The following PCDH15 variants were observed in gnomAD, a reference collection of about 807,000 sequenced individuals.
The protein encoded by PCDH15 is protocadherin-15.
Under a neutral mutation model 178.5 loss-of-function variants are expected in PCDH15, and 129 were observed. The observed-to-expected ratio is 0.72, with a 90% CI of 0.63 to 0.84. The LOEUF (loss-of-function observed/expected upper bound fraction) is 0.84. Among genes scored for constraint, PCDH15 ranks in the 40% least tolerant of loss-of-function variants. The pLI is 0.00. For missense variants in PCDH15, 2,230 were observed against 2,099.9 expected (o/e 1.06, Z -1.21); for synonymous variants, 800 against 732.0 (o/e 1.09, Z -1.50).
intron 2 of PCDH15, among the ~76,000 whole-genome samples, chr10:55,359,902 G>A (rs913665366): frequency 2.6e-5 from 4 of 151,630 alleles, no homozygotes; most frequent in Non-Finnish European, 5.9e-5. Flanking sequence ...AAGACAAATA[G>A]CTCAGGACTT....
intron 1 of PCDH15, among the ~76,000 whole-genome samples, chr10:55,306,336 T>C (rs1019980051): frequency 6.6e-6 from 1 of 152,238 alleles, no homozygotes; most frequent in Non-Finnish European, 1.5e-5. Context: ...TGTTTTACAC[T>C]TGGGCTTTGC....
At chr10:54,465,207 T>A (rs975399209) in intron 3 of PCDH15, among the ~76,000 whole-genome samples, 4 of 152,134 alleles carry the variant, frequency 2.6e-5, no homozygotes, top group African/African-American at 9.6e-5. Context: ...GTAATGATCA[T>A]GTCATAGTAT....
intron 2 of PCDH15, among the ~76,000 whole-genome samples, chr10:55,400,753 C>T (rs1838042734): frequency 6.6e-6 from 1 of 152,032 alleles, no homozygotes; most frequent in Non-Finnish European, 1.5e-5. Context: ...TTGCAGAAGC[C>T]TGTCTTTCAT....
chr10:54,436,189 G>T (rs961555711), intron 3 of PCDH15, among the ~76,000 whole-genome samples: 2 of 151,762 alleles, frequency 1.3e-5, no homozygotes, highest in African/African-American at 4.8e-5. Flanking sequence ...AAGAAGTTCA[G>T]CAATGGAAAA....
At chr10:55,144,666 A>C (rs1838452826) in intron 2 of PCDH15, among the ~76,000 whole-genome samples, 1 of 152,130 alleles carries the variant, frequency 6.6e-6, no homozygotes, top group South Asian at 2.1e-4. Flanking sequence ...ATGATTAAAA[A>C]GTCATTGTTT....
intron 8 of PCDH15, among the ~76,000 whole-genome samples, chr10:54,241,728 A>G (rs983843320): frequency 3.3e-5 from 5 of 152,124 alleles, no homozygotes; most frequent in South Asian, 2.1e-4. Context: ...TCAGAGCTAC[A>G]TTCCCTGTCT....
At chr10:55,071,954 C>A (rs11004726) in intron 2 of PCDH15, among the ~76,000 whole-genome samples, 1 of 151,924 alleles carries the variant, frequency 6.6e-6, no homozygotes, top group Non-Finnish European at 1.5e-5. Flanking sequence ...GACTTAAAAC[C>A]GCTCAACTAC....
At chr10:55,311,426 A>G (rs1191315237) in intron 1 of PCDH15, among the ~76,000 whole-genome samples, 1 of 152,196 alleles carries the variant, frequency 6.6e-6, no homozygotes, top group Non-Finnish European at 1.5e-5. Context: ...TCTTGAATAC[A>G]GTGATTACAT....
At chr10:54,659,206 C>G (rs781455304) in intron 2 of PCDH15, among the ~76,000 whole-genome samples, 1 of 151,996 alleles carries the variant, frequency 6.6e-6, no homozygotes, top group African/African-American at 2.4e-5. Flanking sequence ...GGTGACAGCA[C>G]CAGATAGATT....
chr10:54,546,914 C>A (rs1433457954), intron 2 of PCDH15, among the ~76,000 whole-genome samples: 1 of 152,124 alleles, frequency 6.6e-6, no homozygotes, highest in African/African-American at 2.4e-5. Flanking sequence ...CTCAATGTGT[C>A]AATGACTTCA....
chr10:53,970,183 A>G (rs1171484322), intron 21 of PCDH15, among the ~76,000 whole-genome samples: 1 of 145,190 alleles, frequency 6.9e-6, no homozygotes, highest in Non-Finnish European at 1.5e-5. Context: ...AATGGAAAGC[A>G]AAAAAAAAAT....
chr10:54,636,179 AATC>A (rs2134816068), intron 2 of PCDH15, among the ~76,000 whole-genome samples: 1 of 152,124 alleles, frequency 6.6e-6, no homozygotes, highest in African/African-American at 2.4e-5. Context: ...ACATTAGACT[AATC>A]ATCAACAGTT....
chr10:54,618,371 C>T (rs1321551532), intron 2 of PCDH15, among the ~76,000 whole-genome samples: 5 of 152,042 alleles, frequency 3.3e-5, no homozygotes, highest in Admixed American at 2.6e-4. Flanking sequence ...GACTACTAAC[C>T]TTATGCTGGA....
chr10:55,328,361 C>A (rs959313592), intron 2 of PCDH15, among the ~76,000 whole-genome samples: 5 of 151,762 alleles, frequency 3.3e-5, no homozygotes, highest in Non-Finnish European at 7.4e-5. Context: ...GTGGTGCAGC[C>A]TACTACACAT....
At position 55,143,431 on chromosome 10, in the gene PCDH15, G is replaced by T. The variant is rs145547686; in HGVS notation, c.-80+23145C>A. ...ACTAAATAACATGAGATAGGTTCTG[G>T]TCACTGGACTTTTTTCTTGACACAC... is the stretch of plus-strand genomic sequence containing the variant. On this transcript the variant is annotated intron_variant, in intron 2 of 5. Transcript: ENST00000458638. Among the ~76,000 whole-genome samples the T allele has an allele frequency of 5.3e-5, 8 of 152,074 alleles. No homozygotes were observed. In the East Asian group the frequency reaches 1.5e-3, roughly 29 times the overall value.
At chr10:54,051,243 A>C (rs2135625387) in intron 18 of PCDH15, among the ~76,000 whole-genome samples, 1 of 152,356 alleles carries the variant, frequency 6.6e-6, no homozygotes, top group South Asian at 2.1e-4. Flanking sequence ...GAAGTGGGTA[A>C]CAGGCAGAGG....
rs535234032 is a variant in PCDH15 at position 55,622,056 on chromosome 10, A to G, written c.-156+5569T>C. 2.9e-5 allele frequency among the ~76,000 whole-genome samples: 4 copies of G among 139,166 alleles called. No individual in the cohort carries two copies. In the South Asian group the frequency reaches 6.4e-4, roughly 22 times the overall value. 91.3% of individuals were successfully genotyped at this position (139,166 alleles called of 152,430 possible). ...TATATATAATATATATATAAATTGT[A>G]TATATAATGTATATATAATATATAT... On this transcript the variant is annotated intron_variant, in intron 2 of 5. Transcript: ENST00000613346.
intron 32 of PCDH15, chr10:53,823,729 T>A: frequency 2.2e-6 from 1 of 446,296 alleles, no homozygotes; most frequent in Admixed American, 2.4e-5. Context: ...CAGAACACCA[T>A]CCTTGCCTGA....
In PCDH15 at chr10:54,403,871, A is replaced by T. The variant is rs186873412; in HGVS notation, c.158-24929T>A. On this transcript the variant is annotated intron_variant, in intron 3 of 37. Coordinates refer to ENST00000644397, the MANE Select transcript of PCDH15 (RefSeq NM_001384140.1). ...CACTCACACACACACACACAAACAC[A>T]CACACAAACACACACACACCTAGAA... 2.0e-5 allele frequency among the ~76,000 whole-genome samples: 3 copies of T among 151,906 alleles called. No homozygotes were observed. In the East Asian group the frequency reaches 5.8e-4, roughly 30 times the overall value.
Sources: allele counts gnomAD v4.1 joint callset (sites outside exome capture counted in the v4.1 genomes callset), GRCh38; gene constraint gnomAD v4.1.1; transcripts MANE v1.5; gene names NCBI Gene and HGNC (gene_info 2026-07-23, HGNC 2026-07-21).